The following RNF213 variants were observed in gnomAD, a reference collection of about 807,000 sequenced individuals.
The protein encoded by RNF213 is ring finger protein 213.
RNF213 carries 341 observed loss-of-function variants against 514.4 expected under a neutral mutation model. The observed-to-expected ratio is 0.66, with a 90% CI of 0.61 to 0.73. RNF213 has a LOEUF of 0.73. RNF213 is among the 30% of genes least tolerant of loss of function. The pLI is 0.00. For synonymous variants in RNF213, 2,655 were observed against 2,658.2 expected (o/e 1.00, Z 0.04); for missense variants, 5,767 against 6,615.6 (o/e 0.87, Z 4.45).
rs1295104784 is a variant in RNF213, at chr17:80,381,619, C to T, written c.13870C>T (p.Leu4624=). ...GFLQQHILKD[L]EQLAKMLGHS... ...TCTGCAGCAGCACATCCTGAAGGAC[C>T]TGGAGCAGTTGGCCAAGATGCTGGG... Residue 4624 remains leucine, a synonymous_variant, in exon 57 of 68, where the codon CTG becomes TTG. Transcript: ENST00000582970. 1 of 1,614,094 alleles carries T rather than the reference C, an allele frequency of 6.2e-7. No individual in the cohort carries two copies. The highest frequency in any genetic ancestry group is 1.7e-5 in the Admixed American group (1 of 60,004).
chr17:80,319,557 G>C, intron 17 of RNF213: 1 of 1,606,096 alleles, frequency 6.2e-7, no homozygotes. Flanking sequence ...ATGGAATCAC[G>C]GCCGTGCGCG....
At chr17:80,379,325 A>G (rs2079890645) in intron 54 of RNF213, 1 of 426,222 alleles carries the variant, frequency 2.3e-6, no homozygotes, top group Non-Finnish European at 4.4e-6. Context: ...AAAAGTGCTG[A>G]ATACAAGAAA....
chr17:80,299,115 A>G (rs1216152070), intron 11 of RNF213, among the ~76,000 whole-genome samples: 1 of 152,208 alleles, frequency 6.6e-6, no homozygotes, highest in Non-Finnish European at 1.5e-5. Context: ...ACTTAAAAGA[A>G]CAACAACAAA....
intron 17 of RNF213, among the ~76,000 whole-genome samples, chr17:80,322,162 T>TCCC (rs1568070291): frequency 1.7e-4 from 15 of 87,812 alleles, no homozygotes; most frequent in South Asian, 4.0e-4. Context: ...CACCCCCCCT[T>TCCC]TTTTTTTTTT....
chr17:80,340,205 C>G lies in RNF213; in HGVS notation c.5838C>G (p.His1946Gln), dbSNP rs1402646166. The G allele has an allele frequency of 1.2e-6, 2 of 1,614,164 alleles. No homozygotes were observed. Among genetic ancestry groups the G allele is most frequent in the South Asian group, 1.1e-5 (1 of 91,086 alleles). ...HCYLPSAFSQ[H>Q]KVFVTPQAPL... ...ACCTCCCCTCTGCCTTCAGCCAGCA[C>G]AAGGTCTTCGTCACCCCCCAGGCAC... The change falls in exon 26 of 68, where the codon CAC becomes CAG. Residue 1946 changes from histidine to glutamine, a missense_variant. Around this residue, in one of 13 missense-constraint regions of RNF213, gnomAD observed 1,377 missense variants for 1,635.2 expected, o/e 0.84. Transcript: ENST00000582970.
At position 80,364,446 on chromosome 17, in the gene RNF213, C is replaced by A; in HGVS notation, c.11764C>A (p.Arg3922=). ...VIREVRAQWS[R]IFSTALFVEH... ...CTCTTTTGACAGAGCCCAGTGGAGT[C>A]GGATTTTCTCCACCGCACTCTTCGT... is the stretch of plus-strand genomic sequence containing the variant. Residue 3922 remains arginine (R), a synonymous_variant, in exon 42 of 68, where the codon CGG becomes AGG. Transcript: ENST00000582970. The A allele has an allele frequency of 6.2e-7, 1 of 1,614,124 alleles. No individual in the cohort carries two copies. The highest frequency in any genetic ancestry group is 1.1e-5 in the South Asian group (1 of 91,072).
intron 67 of RNF213, among the ~76,000 whole-genome samples, chr17:80,392,447 TG>T (rs1434046057): frequency 1.3e-5 from 2 of 152,206 alleles, no homozygotes; most frequent in Non-Finnish European, 2.9e-5. Flanking sequence ...TAAAGTCATG[TG>T]AAGGGGCCAG....
chr17:80,351,839 GTATT>G (rs756130546), intron 32 of RNF213, 36 bp downstream of exon 32: 52 of 1,123,054 alleles, frequency 4.6e-5, no homozygotes, highest in Middle Eastern at 2.1e-4. Context: ...ATTTATTTAT[GTATT>G]TATTTATTTA....
Position 80,386,855 on chromosome 17 carries a change from C to T in RNF213, c.14886C>T (p.Ser4962=), listed in dbSNP as rs2080256536. The change falls in exon 63 of 68, where the codon AGC becomes AGT. Residue 4962 remains serine, a synonymous_variant. Coordinates refer to ENST00000582970, the MANE Select transcript of RNF213 (RefSeq NM_001256071.3). ...AGAAGATTCAGCGGCAGATCGTCAG[C>T]CGCTTCCTCCAGGGCAAGCCCCGGC... ...DLEKIQRQIV[S]RFLQGKPRLS... is the part of the protein sequence containing the mutation. The T allele has an allele frequency of 6.2e-7, 1 of 1,613,750 alleles. No individual in the cohort carries two copies. The highest frequency in any genetic ancestry group is 1.3e-5 in the African/African-American group (1 of 74,944).
chr17:80,269,314 C>A lies in RNF213; in HGVS notation c.98-3927C>A, dbSNP rs148915284. The stretch of plus-strand genomic sequence containing the variant: ...ATCCTTCAACCCAATCAAATTGACA[C>A]CTGATATTAACCATCACACCGTCTA... On this transcript the variant is annotated intron_variant, in intron 2 of 67. Transcript: ENST00000582970. Among the ~76,000 whole-genome samples, 1,116 of 152,292 alleles carry A rather than the reference C, an allele frequency of 7.3e-3. 5 individuals carry two copies. Among genetic ancestry groups the A allele is most frequent in the Admixed American group, 0.011 (168 of 15,292 alleles).
At chr17:80,307,237 T>G in intron 13 of RNF213, 36 bp downstream of exon 13, 1 of 1,605,308 alleles carries the variant, frequency 6.2e-7, no homozygotes, top group Non-Finnish European at 8.5e-7. Context: ...CTCCCTCACA[T>G]GCGGCCCCCG....
At chr17:80,380,516 C>T (rs763302781) in intron 55 of RNF213, among the ~76,000 whole-genome samples, 1 of 152,220 alleles carries the variant, frequency 6.6e-6, no homozygotes, top group Non-Finnish European at 1.5e-5. Flanking sequence ...TTAGCCCAAC[C>T]GCTCCTCTCC....
At chr17:80,266,644 G>C (rs2043620840) in intron 2 of RNF213, among the ~76,000 whole-genome samples, 1 of 151,966 alleles carries the variant, frequency 6.6e-6, no homozygotes, top group African/African-American at 2.4e-5. Flanking sequence ...GGGGATTACA[G>C]GCGTGAGGCA....
chr17:80,286,742 A>C (rs1057266110), intron 3 of RNF213, among the ~76,000 whole-genome samples: 1 of 152,084 alleles, frequency 6.6e-6, no homozygotes. Context: ...TGGGGCCCTC[A>C]TCACACACCA....
chr17:80,312,712 C>T (rs1477080726), intron 14 of RNF213, among the ~76,000 whole-genome samples: 5 of 152,214 alleles, frequency 3.3e-5, no homozygotes, highest in African/African-American at 4.8e-5. Context: ...CTGGGCACAG[C>T]CTGGGGACCT....
At chr17:80,356,112 C>T (rs2078808206) in intron 36 of RNF213, among the ~76,000 whole-genome samples, 1 of 152,122 alleles carries the variant, frequency 6.6e-6, no homozygotes, top group African/African-American at 2.4e-5. Context: ...AGCGATTCTC[C>T]TGCCTCAGAC....
intron 6 of RNF213, among the ~76,000 whole-genome samples, chr17:80,290,057 G>C (rs34801706): frequency 0.15 from 22,648 of 152,232 alleles, 1,884 homozygotes; most frequent in Non-Finnish European, 0.2. Context: ...TGGAGCCAGC[G>C]TGGGCCTTTG....
intron 1 of RNF213, among the ~76,000 whole-genome samples, chr17:80,262,559 A>G (rs762123558): frequency 5.3e-5 from 8 of 152,174 alleles, no homozygotes; most frequent in Non-Finnish European, 7.3e-5. Context: ...TAGGCAGATA[A>G]TGGGGCCTCA....
At chr17:80,361,997 C>G (rs1246862683) in intron 39 of RNF213, 109 bp downstream of exon 39, 8 of 1,320,172 alleles carry the variant, frequency 6.1e-6, no homozygotes, top group Non-Finnish European at 8.6e-6. Flanking sequence ...GCTGTGAAGT[C>G]TGGGAACAGA....
Sources: allele counts gnomAD v4.1 joint callset (sites outside exome capture counted in the v4.1 genomes callset), GRCh38; gene constraint gnomAD v4.1.1; regional missense constraint gnomAD v4.1.1; transcripts MANE v1.5; gene names NCBI Gene and HGNC (gene_info 2026-07-23, HGNC 2026-07-21).